Variants in CACNA1H observed in about 807,000 individuals in gnomAD.
CACNA1H encodes the protein calcium voltage-gated channel subunit alpha1 H.
A neutral mutation model predicts 192.5 loss-of-function variants in CACNA1H; 149 were observed. The observed-to-expected ratio is 0.77, with a 90% CI of 0.68 to 0.89. CACNA1H has a LOEUF of 0.89. Ranked by LOEUF, CACNA1H falls within the 40% of genes least tolerant of loss-of-function variation. The pLI is 0.00. For synonymous variants in CACNA1H, 2,202 were observed against 1,475.2 expected, an observed-to-expected ratio of 1.49 and a Z score of -11.29; for missense variants, 4,257 against 3,423.5, an observed-to-expected ratio of 1.24 and a Z score of -6.08.
chr16:1,188,435 C>T (rs190877482), intron 2 of CACNA1H, among the ~76,000 whole-genome samples: 2 of 151,442 alleles, frequency 1.3e-5, no homozygotes, highest in African/African-American at 4.9e-5. Flanking sequence ...AGCCCCGACA[C>T]TGGCTGAGCC....
At chr16:1,212,394 C>T in intron 25 of CACNA1H, 117 bp from the exon 26 acceptor site, 1 of 1,151,180 alleles carries the variant, frequency 8.7e-7, no homozygotes. Context: ...ACCGAGTCCT[C>T]ACTCCACGAG....
At chr16:1,207,250 C>T (rs1045520683) in intron 13 of CACNA1H, 25 bp from the exon 14 acceptor site, 7 of 1,589,396 alleles carry the variant, frequency 4.4e-6, no homozygotes, top group African/African-American at 1.3e-5. Context: ...GGGGTGACCA[C>T]CCCAGGCCCC....
chr16:1,214,220 C>T (rs897522158), intron 27 of CACNA1H, among the ~76,000 whole-genome samples: 2 of 152,206 alleles, frequency 1.3e-5, no homozygotes, highest in Non-Finnish European at 2.9e-5. Flanking sequence ...GCATCCGACC[C>T]ATGGGGAGGG....
In CACNA1H at chr16:1,180,346, C is replaced by T. The variant is rs1368094213; in HGVS notation, c.300-14626C>T. ...TGCTGTGGGCTGGGGAGGACGGTCC[C>T]ATAGCTGGGGGCAGAGCAGGGCAGG... is the stretch of plus-strand genomic sequence containing the variant. On this transcript the variant is annotated intron_variant, in intron 2 of 34. Transcript: ENST00000348261. The surrounding 1 kb of genome is among the most constrained non-coding windows in gnomAD (Gnocchi z 4.4). Among the ~76,000 whole-genome samples the T allele has an allele frequency of 6.6e-6, 1 of 152,222 alleles. No individual in the cohort carries two copies. The highest frequency in any genetic ancestry group is 1.5e-5 in the Non-Finnish European group (1 of 68,032).
In CACNA1H at chr16:1,208,180, A is replaced by G. The variant is rs1968979505; in HGVS notation, c.3322A>G (p.Ser1108Gly). Residue 1108 changes from serine (S) to glycine (G), a missense_variant, in exon 16 of 35, where the codon AGC (serine) becomes GGC (glycine). Physicochemically the swap from Ser to Gly is moderately conservative, Grantham distance 56 (BLOSUM62 0). Coordinates refer to ENST00000348261, the MANE Select transcript of CACNA1H (RefSeq NM_021098.3). ...CCTCCCAGACTCTCGGCGTGGCAGC[A>G]GCAGCTCCGGGGACCCGCCACTGGG... ...PSLPDSRRGS[S>G]SSGDPPLGDQ... 7.1e-6 allele frequency: 11 copies of G among 1,552,318 alleles called. No homozygotes were observed. Among genetic ancestry groups the G allele is most frequent in the Non-Finnish European group, 9.6e-6 (11 of 1,151,074 alleles).
At chr16:1,182,106 C>G (rs909712626) in intron 2 of CACNA1H, among the ~76,000 whole-genome samples, 1 of 152,180 alleles carries the variant, frequency 6.6e-6, no homozygotes, top group Non-Finnish European at 1.5e-5. Context: ...CCTGGTGTTT[C>G]CCCGGGCTGT....
At chr16:1,219,457 A>G (rs1970305572) in intron 34 of CACNA1H, among the ~76,000 whole-genome samples, 1 of 151,774 alleles carries the variant, frequency 6.6e-6, no homozygotes, top group Admixed American at 6.6e-5. Flanking sequence ...CCCAGGGCCC[A>G]CGGCGGGCAG....
chr16:1,190,446 C>T (rs1019695532), intron 2 of CACNA1H, among the ~76,000 whole-genome samples: 3 of 152,232 alleles, frequency 2.0e-5, no homozygotes, highest in Non-Finnish European at 4.4e-5. Context: ...CAGAGCTGCC[C>T]GAGCCCCTGC....
At position 1,221,552 on chromosome 16, in the gene CACNA1H, A is replaced by C; in HGVS notation, c.*558A>C. On this transcript the variant is annotated 3_prime_UTR_variant, in exon 35 of 35. Coordinates refer to ENST00000348261, the MANE Select transcript of CACNA1H (RefSeq NM_021098.3). ...GTGACTCTGGGAGAGGTGACACCTC[A>C]CTAAGGGGCCGACCCCATGGAGTAA... is the stretch of plus-strand genomic sequence containing the variant. 1 of 514,886 alleles carries C rather than the reference A, an allele frequency of 1.9e-6. No homozygotes were observed. The allele number at this position is 514,886 out of a possible 1,614,324, so 31.9% of individuals were successfully genotyped here.
chr16:1,220,108 C>T lies in CACNA1H; in HGVS notation c.6176C>T (p.Pro2059Leu). 1 of 1,487,646 alleles carries T rather than the reference C, an allele frequency of 6.7e-7. No homozygotes were observed. The highest frequency in any genetic ancestry group is 8.9e-7 in the Non-Finnish European group (1 of 1,121,286). The allele number at this position is 1,487,646 out of a possible 1,614,324, so 92.2% of individuals were successfully genotyped here. The change falls in exon 35 of 35, where the codon CCA becomes CTA. Residue 2059 changes from proline to leucine, a missense_variant. Coordinates refer to ENST00000348261, the MANE Select transcript of CACNA1H (RefSeq NM_021098.3). ...VTQGGSLQSP[P>L]RSPRPASVRT... is the part of the protein sequence containing the mutation. ...CAGGGGGGCTCCCTGCAGTCCCCAC[C>T]ACGCTCCCCACGGCCCGCCAGCGTC...
chr16:1,202,311 G>T lies in CACNA1H; in HGVS notation c.1861G>T (p.Val621Leu). 1 of 1,584,076 alleles carries T rather than the reference G, an allele frequency of 6.3e-7. No individual in the cohort carries two copies. Residue 621 changes from valine to leucine, a missense_variant, in exon 9 of 35, where the codon GTG becomes TTG. Val to Leu is a conservative substitution (Grantham distance 32). Transcript: ENST00000348261. ...CTACCCCACGATCCTGCCCTCAGGG[G>T]TGGGCAGCGGCAAAGGCAGCACCAG... ...MNYPTILPSG[V>L]GSGKGSTSPG...
At chr16:1,181,464 C>G (rs893370317) in intron 2 of CACNA1H, among the ~76,000 whole-genome samples, 1 of 152,234 alleles carries the variant, frequency 6.6e-6, no homozygotes, top group South Asian at 2.1e-4. Flanking sequence ...CCTGGGTGGT[C>G]GTGCCCCCGA....
chr16:1,220,834 T>C lies in CACNA1H; in HGVS notation c.6902T>C (p.Val2301Ala). 6.2e-7 allele frequency: 1 copy of C among 1,612,712 alleles called. No homozygotes were observed. The highest frequency in any genetic ancestry group is 1.1e-5 in the South Asian group (1 of 91,070). The change falls in exon 35 of 35, where the codon GTG (valine) becomes GCG (alanine). Residue 2301 changes from valine to alanine, a missense_variant. Physicochemically the swap from Val to Ala is moderately conservative, Grantham distance 64 (BLOSUM62 0). Coordinates refer to ENST00000348261, the MANE Select transcript of CACNA1H (RefSeq NM_021098.3). ...ESRASSSGAI[V>A]PLEPPESEPP... is the part of the protein sequence containing the mutation. The stretch of plus-strand genomic sequence containing the variant: ...AGAGCTTCCTCTTCAGGGGCCATAG[T>C]GCCCCTGGAACCCCCAGAATCAGAG...
intron 34 of CACNA1H, 118 bp downstream of exon 34, chr16:1,219,248 G>A (rs1365262581): frequency 9.7e-7 from 1 of 1,030,296 alleles, no homozygotes; most frequent in Non-Finnish European, 1.4e-6. Context: ...GTCGCACTGG[G>A]TCCTTGGGGC....
At position 1,200,780 on chromosome 16, in the gene CACNA1H, A is replaced by G. The variant is rs1350249476; in HGVS notation, c.1184A>G (p.Asn395Ser). ...GTCATGGACGCCCACTCATTCTACA[A>G]CTTCATCTATTTCATCCTGCTCATC... The part of the protein sequence containing the change: ...YYVMDAHSFY[N>S]FIYFILLIIV... Residue 395 changes from asparagine to serine, a missense_variant, in exon 8 of 35, where the codon AAC (asparagine) becomes AGC (serine). Physicochemically the swap from Asn to Ser is conservative, Grantham distance 46. Coordinates refer to ENST00000348261, the MANE Select transcript of CACNA1H (RefSeq NM_021098.3). 9.7e-6 allele frequency: 15 copies of G among 1,553,330 alleles called. No individual in the cohort carries two copies. Among genetic ancestry groups the G allele is most frequent in the Non-Finnish European group, 1.3e-5 (15 of 1,148,230 alleles).
chr16:1,210,814 G>A lies in CACNA1H; in HGVS notation c.4066G>A (p.Glu1356Lys), dbSNP rs772929276. ...KVVALGLLSGEHAYLQSSWNL... is the reference protein window; with the variant it reads ...KVVALGLLSGKHAYLQSSWNL... ...GGTGGCCCTGGGGCTGCTGTCCGGC[G>A]AGCACGCCTACCTGCAGAGCAGCTG... The change falls in exon 21 of 35, where the codon GAG becomes AAG. Residue 1356 changes from glutamate to lysine, a missense_variant. Glu to Lys is a moderately conservative substitution (Grantham distance 56). Transcript: ENST00000348261. The A allele has an allele frequency of 2.8e-5, 45 of 1,602,650 alleles. No homozygotes were observed. The highest frequency in any genetic ancestry group is 3.4e-5 in the Non-Finnish European group (40 of 1,179,710).
chr16:1,170,380 T>C (rs976994736), intron 2 of CACNA1H, among the ~76,000 whole-genome samples: 2 of 152,108 alleles, frequency 1.3e-5, no homozygotes, highest in Admixed American at 1.3e-4. Context: ...GCCCGAGGAA[T>C]CCGGGGTAAC....
Position 1,202,310 on chromosome 16 carries a change from G to T in CACNA1H, c.1860G>T (p.Gly620=), listed in dbSNP as rs762737078. The change falls in exon 9 of 35, where the codon GGG becomes GGT. Residue 620 remains glycine (G), a synonymous_variant. Coordinates refer to ENST00000348261, the MANE Select transcript of CACNA1H (RefSeq NM_021098.3). The stretch of plus-strand genomic sequence containing the variant: ...ACTACCCCACGATCCTGCCCTCAGG[G>T]GTGGGCAGCGGCAAAGGCAGCACCA... ...TMNYPTILPS[G]VGSGKGSTSP... 2.5e-6 allele frequency: 4 copies of T among 1,583,782 alleles called. No homozygotes were observed. In the African/African-American group the frequency reaches 4.0e-5, roughly 16 times the overall value.
At chr16:1,168,200 C>T (rs997738449) in intron 2 of CACNA1H, among the ~76,000 whole-genome samples, 1 of 151,980 alleles carries the variant, frequency 6.6e-6, no homozygotes, top group Non-Finnish European at 1.5e-5. Flanking sequence ...GGATCCCCCC[C>T]CCCAAGTGAC....
Sources: gnomAD v4.1 joint callset for allele counts (sites outside exome capture counted in the v4.1 genomes callset) on GRCh38, gnomAD v4.1.1 for gene constraint, Gnocchi (gnomAD v3.1) non-coding constraint, MANE v1.5 for transcripts, NCBI Gene and HGNC (gene_info 2026-07-23, HGNC 2026-07-21) for gene names.